LZIC: variants seen among roughly 807,000 people sequenced by gnomAD.
LZIC encodes the protein protein LZIC.
LZIC carries 28 observed loss-of-function variants against 25.4 expected under a neutral mutation model. The observed-to-expected ratio is 1.10, with a 90% CI of 0.82 to 1.51. The LOEUF (loss-of-function observed/expected upper bound fraction) is 1.51, where lower values mean the gene tolerates loss of function less well. LZIC is among the 40% of genes most tolerant of loss of function. The probability of loss-of-function intolerance (pLI) is 0.00; values close to 1 mark genes in which losing one functional copy is unlikely to be tolerated. For synonymous variants in LZIC, 65 were observed against 70.7 expected (o/e 0.92, Z 0.40); for missense variants, 170 against 211.1 (o/e 0.81, Z 1.21).
At chr1:9,937,846 T>TC (rs1172249405) in intron 2 of LZIC, among the ~76,000 whole-genome samples, 7 of 22,278 alleles carry the variant, frequency 3.1e-4, no homozygotes, top group Non-Finnish European at 4.8e-4. Context: ...AGACCCTGAC[T>TC]CAAAAAAAAA....
rs1269174869 is a variant in LZIC, at chr1:9,929,255, G to A, written c.*1144C>T. ...TCCTCTAATCTGTCTGGTTGGCAAAGCACCTAGTAGTTTACAGTACAGAAG... is the reference window on the plus strand; with the variant it reads ...TCCTCTAATCTGTCTGGTTGGCAAAACACCTAGTAGTTTACAGTACAGAAG... On this transcript the variant is annotated 3_prime_UTR_variant, in exon 8 of 8. Transcript: ENST00000377223. 1 of 959,206 alleles carries A rather than the reference G, an allele frequency of 1.0e-6. No homozygotes were observed. Among genetic ancestry groups the A allele is most frequent in the Non-Finnish European group, 1.2e-6 (1 of 806,000 alleles). 59.4% of individuals were successfully genotyped at this position (959,206 alleles called of 1,614,324 possible).
chr1:9,931,363 C>T (rs1387352674), intron 7 of LZIC, among the ~76,000 whole-genome samples: 1 of 152,048 alleles, frequency 6.6e-6, no homozygotes, highest in Non-Finnish European at 1.5e-5. Context: ...CCTGGGTTCA[C>T]ACCATTCTCC....
At chr1:9,937,308 G>A (rs925793590) in intron 2 of LZIC, among the ~76,000 whole-genome samples, 6 of 152,020 alleles carry the variant, frequency 3.9e-5, no homozygotes, top group African/African-American at 1.4e-4. Context: ...CAGGAGAATG[G>A]TGTGAACGCG....
chr1:9,937,847 CAAAAAAAAAA>C lies in LZIC; in HGVS notation c.-8-1230_-8-1221del, dbSNP rs34452687. On this transcript the variant is annotated intron_variant, in intron 2 of 7. Transcript: ENST00000377223. ...TGGTTGACAGAGCGAGACCCTGACT[CAAAAAAAAAA>C]AAAAAAAAAAAAAAGCTACAGGTAT... Among the ~76,000 whole-genome samples, 18 of 52,748 alleles carry C rather than the reference CAAAAAAAAAA, an allele frequency of 3.4e-4. No homozygotes were observed. The East Asian group carries it at 7.4e-3, about 22-fold the overall frequency. 34.6% of individuals were successfully genotyped at this position (52,748 alleles called of 152,430 possible).
intron 3 of LZIC, among the ~76,000 whole-genome samples, 194 bp from the exon 4 acceptor site, chr1:9,935,821 G>A (rs980445549): frequency 6.6e-6 from 1 of 152,132 alleles, no homozygotes; most frequent in South Asian, 2.1e-4. Context: ...TTACCAAAAT[G>A]AGGATACTTA....
chr1:9,927,489 A>G lies in LZIC; in HGVS notation c.*2910T>C, dbSNP rs1197568812. Among the ~76,000 whole-genome samples the G allele has an allele frequency of 1.4e-5, 2 of 147,716 alleles. No homozygotes were observed. Among genetic ancestry groups the G allele is most frequent in the Non-Finnish European group, 3.0e-5 (2 of 67,050 alleles). ...GCTAATTTTTTTTTTTTTTTTAGAG[A>G]CAGGGTTTCACCATGTTGGCCAGGC... On this transcript the variant is annotated 3_prime_UTR_variant, in exon 8 of 8. Coordinates refer to ENST00000377223, the MANE Select transcript of LZIC (RefSeq NM_032368.5).
At chr1:9,935,849 G>C (rs1640430950) in intron 3 of LZIC, among the ~76,000 whole-genome samples, 4 of 152,100 alleles carry the variant, frequency 2.6e-5, no homozygotes, top group Admixed American at 2.6e-4. Flanking sequence ...ACATAATAAA[G>C]CAGGGTGCCG....
intron 6 of LZIC, chr1:9,932,314 C>A: frequency 5.8e-6 from 1 of 172,936 alleles, no homozygotes; most frequent in South Asian, 1.3e-4. Context: ...CACTGCACTC[C>A]AGCCTGGACA....
chr1:9,938,049 G>A (rs1640538655), intron 2 of LZIC, among the ~76,000 whole-genome samples: 1 of 151,414 alleles, frequency 6.6e-6, no homozygotes, highest in African/African-American at 2.4e-5. Flanking sequence ...TTTGGTAAAT[G>A]GAAATATATA....
downstream of LZIC, among the ~76,000 whole-genome samples, chr1:9,923,012 A>G (rs1639898327): frequency 2.0e-5 from 3 of 152,174 alleles, no homozygotes; most frequent in Admixed American, 2.0e-4. Flanking sequence ...AGATCTTTTT[A>G]GCACAACTTT....
Position 9,928,487 on chromosome 1 carries a change from C to A in LZIC, c.*1912G>T, listed in dbSNP as rs113027760. ...AACAACCCAAATCATCAACAGATACCGGATAAACAAAATATGATATCCATA... is the reference window on the plus strand; with the variant it reads ...AACAACCCAAATCATCAACAGATACAGGATAAACAAAATATGATATCCATA... On this transcript the variant is annotated 3_prime_UTR_variant, in exon 8 of 8. Transcript: ENST00000377223. Among the ~76,000 whole-genome samples the A allele has an allele frequency of 6.6e-6, 1 of 152,016 alleles. No individual in the cohort carries two copies. The highest frequency in any genetic ancestry group is 2.4e-5 in the African/African-American group (1 of 41,378).
At position 9,927,877 on chromosome 1, in the gene LZIC, G is replaced by A. The variant is rs1640042326; in HGVS notation, c.*2522C>T. Among the ~76,000 whole-genome samples, 1 of 151,664 alleles carries A rather than the reference G, an allele frequency of 6.6e-6. No individual in the cohort carries two copies. The highest frequency in any genetic ancestry group is 6.6e-5 in the Admixed American group (1 of 15,196). On this transcript the variant is annotated 3_prime_UTR_variant, in exon 8 of 8. Transcript: ENST00000377223. Reference sequence around the variant, plus strand: ...TTTTGTAGAGATGGAGTTTCACTGTGTTGGCCAGGCTGGTCTTGAGCTCCT... The same window carrying A: ...TTTTGTAGAGATGGAGTTTCACTGTATTGGCCAGGCTGGTCTTGAGCTCCT...
chr1:9,931,861 A>G, intron 7 of LZIC, 30 bp downstream of exon 7: 1 of 1,488,266 alleles, frequency 6.7e-7, no homozygotes, highest in Non-Finnish European at 9.3e-7. Flanking sequence ...GTAGTATACG[A>G]CCAGCTTTCA....
intron 3 of LZIC, 100 bp downstream of exon 3, chr1:9,936,419 C>A: frequency 2.6e-6 from 2 of 760,718 alleles, no homozygotes; most frequent in South Asian, 3.2e-5. Flanking sequence ...AAGAACACTA[C>A]AGGGGAATGC....
chr1:9,934,381 A>T (rs1640367997), intron 5 of LZIC, among the ~76,000 whole-genome samples: 1 of 152,190 alleles, frequency 6.6e-6, no homozygotes, highest in African/African-American at 2.4e-5. Flanking sequence ...AATTACATCC[A>T]AGCCTATAAA....
chr1:9,923,518 CTTTTTTTTTTTTTTT>C (rs60858066), downstream of LZIC, among the ~76,000 whole-genome samples: 10 of 74,170 alleles, frequency 1.3e-4, no homozygotes, highest in South Asian at 1.1e-3. Flanking sequence ...CCCAATGCTT[CTTTTTTTTTTTTTTT>C]TTTTTTTTTT....
chr1:9,942,519 AC>A (rs1289482279), intron 2 of LZIC, 104 bp downstream of exon 2: 1 of 376,460 alleles, frequency 2.7e-6, no homozygotes. Context: ...ACTCGTTGGC[AC>A]CACCTAGTAG....
chr1:9,928,476 T>G lies in LZIC; in HGVS notation c.*1923A>C, dbSNP rs891804356. 6.6e-6 allele frequency among the ~76,000 whole-genome samples: 1 copy of G among 152,076 alleles called. No individual in the cohort carries two copies. Among genetic ancestry groups the G allele is most frequent in the Non-Finnish European group, 1.5e-5 (1 of 68,030 alleles). On this transcript the variant is annotated 3_prime_UTR_variant, in exon 8 of 8. Transcript: ENST00000377223. ...CAAAAGAAGGAAACAACCCAAATCA[T>G]CAACAGATACCGGATAAACAAAATA... is the stretch of plus-strand genomic sequence containing the variant.
chr1:9,925,285 C>T (rs1639954534), downstream of LZIC, among the ~76,000 whole-genome samples: 1 of 152,158 alleles, frequency 6.6e-6, no homozygotes, highest in African/African-American at 2.4e-5. Context: ...TGCACTCCAG[C>T]CTGGGCAACA....
Sources: gnomAD v4.1 joint callset for allele counts (sites outside exome capture counted in the v4.1 genomes callset) on GRCh38, gnomAD v4.1.1 for gene constraint, MANE v1.5 for transcripts, NCBI Gene and HGNC (gene_info 2026-07-23, HGNC 2026-07-21) for gene names.